The following TLE4 variants were observed in gnomAD, a reference collection of about 807,000 sequenced individuals.
TLE4 encodes the protein TLE family member 4, transcriptional corepressor.
Under a neutral mutation model 92.8 loss-of-function variants are expected in TLE4, and 8 were observed. The observed-to-expected ratio is 0.09, with a 90% CI of 0.05 to 0.16. The LOEUF (loss-of-function observed/expected upper bound fraction) is 0.16, where lower values mean the gene tolerates loss of function less well. Among genes scored for constraint, TLE4 ranks in the 10% least tolerant of loss-of-function variants. The pLI, the probability that TLE4 is intolerant of heterozygous loss-of-function variation, is 1.00. For synonymous variants in TLE4, 371 were observed against 374.1 expected, an observed-to-expected ratio of 0.99 and a Z score of 0.10; for missense variants, 675 against 997.6, an observed-to-expected ratio of 0.68 and a Z score of 4.36.
rs193140108 is a variant in TLE4, at chr9:79,606,306, A to C, written c.253-6350A>C. Among the ~76,000 whole-genome samples the C allele has an allele frequency of 2.4e-3, 316 of 131,074 alleles. 1 individual carries two copies. The highest frequency in any genetic ancestry group is 3.5e-3 in the Non-Finnish European group (226 of 63,772). 86.0% of individuals were successfully genotyped at this position (131,074 alleles called of 152,430 possible). ...TATACTGACGATACCTTTGGTCTAA[A>C]TCTTTAAGCTTTATTCCAGTCAGGC... On this transcript the variant is annotated intron_variant, in intron 4 of 19. Coordinates refer to ENST00000376552, the MANE Select transcript of TLE4 (RefSeq NM_007005.6).
At chr9:79,620,121 A>G (rs1353151886) in intron 5 of TLE4, among the ~76,000 whole-genome samples, 1 of 152,232 alleles carries the variant, frequency 6.6e-6, no homozygotes, top group African/African-American at 2.4e-5. Context: ...GTATGTCTCA[A>G]CAAATTAATG....
chr9:79,617,077 C>T (rs980324089), intron 5 of TLE4, among the ~76,000 whole-genome samples: 16 of 152,080 alleles, frequency 1.1e-4, no homozygotes, highest in Admixed American at 3.3e-4. Flanking sequence ...TATTTGGGGT[C>T]CTAAGACATT....
At chr9:79,671,484 C>T (rs1327952762) in intron 8 of TLE4, 1 of 298,084 alleles carries the variant, frequency 3.4e-6, no homozygotes. Flanking sequence ...TGTTGTAAAC[C>T]ATAACAATTC....
At chr9:79,601,047 G>A (rs1564287191) in intron 4 of TLE4, among the ~76,000 whole-genome samples, 2 of 152,204 alleles carry the variant, frequency 1.3e-5, no homozygotes, top group Non-Finnish European at 2.9e-5. Context: ...CAGGTGATCA[G>A]CAATCTGGTA....
chr9:79,671,614 G>T lies in TLE4; in HGVS notation c.609+17539G>T, dbSNP rs1308942888. On this transcript the variant is annotated intron_variant, in intron 8 of 19. Coordinates refer to ENST00000376552, the MANE Select transcript of TLE4 (RefSeq NM_007005.6). ...CATACACCTAATCCCTGTCAATAAG[G>T]TTGGCTGTTTGGGGAAAGAACACAC... The T allele has an allele frequency of 1.5e-5, 3 of 202,780 alleles. 1 individual carries two copies. The highest frequency in any genetic ancestry group is 9.0e-5 in the South Asian group (1 of 11,086). 12.6% of individuals were successfully genotyped at this position (202,780 alleles called of 1,614,324 possible).
intron 8 of TLE4, among the ~76,000 whole-genome samples, chr9:79,690,377 A>T (rs987334756): frequency 3.9e-5 from 6 of 152,170 alleles, no homozygotes; most frequent in African/African-American, 1.4e-4. Context: ...ATATGGCTTA[A>T]CCTTTATCTA....
chr9:79,628,244 A>G (rs944397601), intron 6 of TLE4, among the ~76,000 whole-genome samples: 3 of 152,186 alleles, frequency 2.0e-5, no homozygotes, highest in Non-Finnish European at 2.9e-5. Context: ...TGAAGACACT[A>G]CAACTGCACT....
chr9:79,574,918 G>A lies in TLE4; in HGVS notation c.189G>A (p.Met63Ile). 1 of 1,613,536 alleles carries A rather than the reference G, an allele frequency of 6.2e-7. No homozygotes were observed. Among genetic ancestry groups the A allele is most frequent in the South Asian group, 1.1e-5 (1 of 91,066 alleles). ...CEKLASEKTE[M>I]QRHYVMYYEM... Reference sequence around the variant, plus strand: ...AACTCGCCAGTGAGAAGACAGAGATGCAGCGGCATTATGTCATGGTAAGAA... The same window carrying A: ...AACTCGCCAGTGAGAAGACAGAGATACAGCGGCATTATGTCATGGTAAGAA... Residue 63 changes from methionine to isoleucine, a missense_variant, in exon 3 of 20, where the codon ATG (methionine) becomes ATA (isoleucine). Coordinates refer to ENST00000376552, the MANE Select transcript of TLE4 (RefSeq NM_007005.6).
chr9:79,662,485 T>G (rs1321357187), intron 8 of TLE4, among the ~76,000 whole-genome samples: 3 of 152,144 alleles, frequency 2.0e-5, no homozygotes, highest in African/African-American at 7.2e-5. Context: ...AACTTCTGTT[T>G]TTGTGAGCGA....
chr9:79,592,192 T>A (rs962626881), intron 4 of TLE4, among the ~76,000 whole-genome samples: 1 of 137,762 alleles, frequency 7.3e-6, no homozygotes, highest in Non-Finnish European at 1.5e-5. Context: ...CCTCTTCTTC[T>A]TCTTCTTCTT....
chr9:79,593,487 T>C (rs950576273), intron 4 of TLE4, among the ~76,000 whole-genome samples: 9 of 152,220 alleles, frequency 5.9e-5, no homozygotes, highest in Non-Finnish European at 1.3e-4. Context: ...TCTTGGAAAC[T>C]CTAAACAGTC....
rs1049455060 is a variant in TLE4, at chr9:79,611,561, A to G, written c.253-1095A>G. On this transcript the variant is annotated intron_variant, in intron 4 of 19. Coordinates refer to ENST00000376552, the MANE Select transcript of TLE4 (RefSeq NM_007005.6). ...CAAGAAAAGGCATTTTGGGCCTCAC[A>G]TAAAATGAGGAACTGACCCTGGATG... Among the ~76,000 whole-genome samples, 4 of 152,082 alleles carry G rather than the reference A, an allele frequency of 2.6e-5. No homozygotes were observed. In the South Asian group the frequency reaches 6.2e-4, roughly 24 times the overall value.
At chr9:79,646,896 G>A (rs1430420862) in intron 6 of TLE4, among the ~76,000 whole-genome samples, 5 of 151,994 alleles carry the variant, frequency 3.3e-5, no homozygotes, top group African/African-American at 4.8e-5. Flanking sequence ...TGTATAAAAC[G>A]GTGACTGATA....
At position 79,572,234 on chromosome 9, in the gene TLE4, C is replaced by A. The variant is rs1018396573; in HGVS notation, c.-557C>A. The A allele has an allele frequency of 2.6e-5, 4 of 152,048 alleles. No homozygotes were observed. The highest frequency in any genetic ancestry group is 9.7e-5 in the African/African-American group (4 of 41,402). The allele number at this position is 152,048 out of a possible 1,614,324, so 9.4% of individuals were successfully genotyped here. On this transcript the variant is annotated 5_prime_UTR_variant, in exon 1 of 20. Transcript: ENST00000376552. ...AGCTAAAAGGTGCCTTTTAAAAGATCGTTGCTGTGAAGTGAAAAAAATCTC... is the reference window on the plus strand; with the variant it reads ...AGCTAAAAGGTGCCTTTTAAAAGATAGTTGCTGTGAAGTGAAAAAAATCTC...
Position 79,576,194 on chromosome 9 carries a change from T to A in TLE4, c.252+17T>A, listed in dbSNP as rs1448157834. On this transcript the variant is annotated intron_variant, in intron 4 of 19. Coordinates refer to ENST00000376552, the MANE Select transcript of TLE4 (RefSeq NM_007005.6). ...CACAAGCAGGTAAGTTATTTCTTTA[T>A]AACCATTTTAAATGACAGTAATACT... 2 of 1,517,940 alleles carry A rather than the reference T, an allele frequency of 1.3e-6. No individual in the cohort carries two copies. Among genetic ancestry groups the A allele is most frequent in the Admixed American group, 3.7e-5 (2 of 54,282 alleles). 94.0% of individuals were successfully genotyped at this position (1,517,940 alleles called of 1,614,324 possible).
At chr9:79,698,872 C>CAT (rs57671070) in intron 8 of TLE4, among the ~76,000 whole-genome samples, 4,236 of 144,248 alleles carry the variant, frequency 0.029, 92 homozygotes, top group African/African-American at 0.067. Flanking sequence ...TATATATATA[C>CAT]ATATATATAT....
At chr9:79,636,822 T>C (rs2055981179) in intron 6 of TLE4, among the ~76,000 whole-genome samples, 1 of 152,176 alleles carries the variant, frequency 6.6e-6, no homozygotes. Flanking sequence ...ATCTCATAAT[T>C]TTCAATACGT....
At chr9:79,628,593 A>G in intron 6 of TLE4, among the ~76,000 whole-genome samples, 1 of 151,538 alleles carries the variant, frequency 6.6e-6, no homozygotes, top group East Asian at 1.9e-4. Context: ...AAAAAAAACC[A>G]AAAAAACAAA....
chr9:79,722,686 TGAGTTCATTA>T, intron 18 of TLE4, 85 bp downstream of exon 18: 2 of 1,509,940 alleles, frequency 1.3e-6, no homozygotes, highest in Middle Eastern at 2.4e-4. Context: ...GTCGAATCCT[TGAGTTCATTA>T]CCATGCCCCT....
Sources: allele counts gnomAD v4.1 joint callset (sites outside exome capture counted in the v4.1 genomes callset), GRCh38; gene constraint gnomAD v4.1.1; transcripts MANE v1.5; gene names NCBI Gene and HGNC (gene_info 2026-07-23, HGNC 2026-07-21).